The following LHFPL3 variants were observed in gnomAD, a reference collection of about 807,000 sequenced individuals.
LHFPL3 encodes the protein LHFPL tetraspan subfamily member 3 protein.
In LHFPL3, 5 loss-of-function variants were observed where a neutral mutation model predicts 19.3. The ratio of observed to expected loss-of-function variants is 0.26; its 90% CI spans 0.14 to 0.54. LHFPL3 has a LOEUF of 0.54. Ranked by LOEUF, LHFPL3 falls within the 20% of genes least tolerant of loss-of-function variation. The pLI is 0.94. For missense variants in LHFPL3, 249 were observed against 307.4 expected, an observed-to-expected ratio of 0.81 and a Z score of 1.42; for synonymous variants, 133 against 126.2, an observed-to-expected ratio of 1.05 and a Z score of -0.36.
intron 1 of LHFPL3, among the ~76,000 whole-genome samples, chr7:104,731,347 A>G (rs1259977679): frequency 6.6e-6 from 1 of 152,006 alleles, no homozygotes; most frequent in African/African-American, 2.4e-5. Context: ...GATTCTTCCT[A>G]TCCATGAGGA....
At chr7:104,595,365 A>G (rs1413146075) in intron 1 of LHFPL3, among the ~76,000 whole-genome samples, 2 of 152,230 alleles carry the variant, frequency 1.3e-5, no homozygotes, top group Non-Finnish European at 2.9e-5. Flanking sequence ...GGGTATTACT[A>G]GCGGAAGCTG....
intron 1 of LHFPL3, 147 bp from the exon 2 acceptor site, chr7:104,736,528 T>C: frequency 1.7e-6 from 1 of 597,074 alleles, no homozygotes; most frequent in Non-Finnish European, 3.0e-6. Flanking sequence ...CACACACACA[T>C]TCAGAGTGAC....
At chr7:104,645,553 G>C (rs1405956215) in intron 1 of LHFPL3, among the ~76,000 whole-genome samples, 3 of 151,232 alleles carry the variant, frequency 2.0e-5, no homozygotes, top group Non-Finnish European at 4.4e-5. Flanking sequence ...GTTCTGTGAA[G>C]GAAATCATGT....
chr7:104,902,216 T>TA (rs966704111), intron 2 of LHFPL3, among the ~76,000 whole-genome samples: 21 of 151,664 alleles, frequency 1.4e-4, no homozygotes, highest in African/African-American at 2.9e-4. Flanking sequence ...CCCATCTCTA[T>TA]AAAAAAAAAT....
intron 2 of LHFPL3, among the ~76,000 whole-genome samples, chr7:104,843,700 A>G (rs1051977980): frequency 6.6e-6 from 1 of 152,122 alleles, no homozygotes; most frequent in East Asian, 1.9e-4. Flanking sequence ...TCTGAAAACT[A>G]TCTCGGGCCA....
intron 1 of LHFPL3, among the ~76,000 whole-genome samples, chr7:104,654,698 G>A (rs1397814005): frequency 2.6e-5 from 4 of 152,138 alleles, no homozygotes; most frequent in East Asian, 1.9e-4. Flanking sequence ...ATGGTGTCTC[G>A]TTTTAGAACT....
intron 2 of LHFPL3, 67 bp from the exon 3 acceptor site, chr7:104,906,120 G>A: frequency 2.0e-6 from 3 of 1,470,988 alleles, no homozygotes; most frequent in South Asian, 1.2e-5. Flanking sequence ...AAATCTTGCA[G>A]ACAGAAAATG....
At chr7:104,717,973 G>T (rs1208713434) in intron 1 of LHFPL3, among the ~76,000 whole-genome samples, 1 of 152,116 alleles carries the variant, frequency 6.6e-6, no homozygotes, top group Non-Finnish European at 1.5e-5. Context: ...ATATGATTCT[G>T]CCTTTAAAAA....
chr7:104,734,151 A>G (rs1036247722), intron 1 of LHFPL3, among the ~76,000 whole-genome samples: 5 of 152,106 alleles, frequency 3.3e-5, no homozygotes, highest in African/African-American at 1.2e-4. Context: ...GGCTGCCCTT[A>G]ACATTTTTTT....
Position 104,667,981 on chromosome 7 carries a change from G to A in LHFPL3, c.446-68694G>A, listed in dbSNP as rs1792390424. The A allele has an allele frequency of 4.3e-6, 7 of 1,613,416 alleles. No homozygotes were observed. The South Asian group carries it at 4.4e-5, about 10-fold the overall frequency. On this transcript the variant is annotated intron_variant, in intron 1 of 2. Coordinates refer to ENST00000424859, the MANE Select transcript of LHFPL3 (RefSeq NM_199000.3). Reference sequence around the variant, plus strand: ...CGTTCCATCCTTCCCACTGCTCCACGGGCTGCTCGGGAACCCAATATCGAC... The same window carrying A: ...CGTTCCATCCTTCCCACTGCTCCACAGGCTGCTCGGGAACCCAATATCGAC...
At chr7:104,824,407 A>AT (rs1491449013) in intron 2 of LHFPL3, among the ~76,000 whole-genome samples, 33 of 210 alleles carry the variant, frequency 0.16, no homozygotes, top group East Asian at 0.36. Context: ...ATAATATATA[A>AT]TATATATTTT....
At chr7:104,829,504 C>G (rs998062620) in intron 2 of LHFPL3, among the ~76,000 whole-genome samples, 4 of 151,686 alleles carry the variant, frequency 2.6e-5, no homozygotes, top group African/African-American at 7.3e-5. Flanking sequence ...CAACAGTCCC[C>G]GGAGTGTGAT....
chr7:104,620,520 A>G (rs1000562500), intron 1 of LHFPL3, among the ~76,000 whole-genome samples: 2 of 152,218 alleles, frequency 1.3e-5, no homozygotes, highest in African/African-American at 4.8e-5. Flanking sequence ...ATGCTTTCAT[A>G]TATCAACATC....
Position 104,534,174 on chromosome 7 carries a change from AAC to A in LHFPL3, c.446-202497_446-202496del, listed in dbSNP as rs1584386015. ...CTGGCAGCCAGATTATTTGTTCTAT[AAC>A]ACAGTGTGGGTCTTTCCTTTGCTTA... On this transcript the variant is annotated intron_variant, in intron 1 of 2. Coordinates refer to ENST00000424859, the MANE Select transcript of LHFPL3 (RefSeq NM_199000.3). 3.3e-5 allele frequency among the ~76,000 whole-genome samples: 5 copies of A among 152,316 alleles called. 1 individual carries two copies. The highest frequency in any genetic ancestry group is 1.2e-4 in the African/African-American group (5 of 41,576).
intron 2 of LHFPL3, among the ~76,000 whole-genome samples, chr7:104,893,951 C>CA (rs34793599): frequency 0.01 from 1,393 of 135,386 alleles, 28 homozygotes; most frequent in East Asian, 0.035. Context: ...GACTCCATCT[C>CA]AAAAAAAAAA....
At chr7:104,605,056 C>A (rs1473041891) in intron 1 of LHFPL3, among the ~76,000 whole-genome samples, 3 of 152,214 alleles carry the variant, frequency 2.0e-5, no homozygotes, top group African/African-American at 7.2e-5. Flanking sequence ...AAACCTAATT[C>A]TGTTATTTTC....
At chr7:104,846,003 G>C (rs977385267) in intron 2 of LHFPL3, among the ~76,000 whole-genome samples, 4 of 152,192 alleles carry the variant, frequency 2.6e-5, no homozygotes, top group African/African-American at 9.7e-5. Flanking sequence ...GTACACATAT[G>C]TATGCGATGG....
Position 104,592,048 on chromosome 7 carries a change from C to T in LHFPL3, c.446-144627C>T, listed in dbSNP as rs370970942. Among the ~76,000 whole-genome samples, 112 of 152,252 alleles carry T rather than the reference C, an allele frequency of 7.4e-4. 2 individuals carry two copies. The South Asian group carries it at 0.013, about 18-fold the overall frequency. On this transcript the variant is annotated intron_variant, in intron 1 of 2. Transcript: ENST00000424859. ...TTTTTCAACGTTTTTAGCTTCTTTGCGATGGGTTCGAACATCCTCCTTTAG... is the reference window on the plus strand; with the variant it reads ...TTTTTCAACGTTTTTAGCTTCTTTGTGATGGGTTCGAACATCCTCCTTTAG...
intron 1 of LHFPL3, among the ~76,000 whole-genome samples, chr7:104,392,581 G>A (rs1286607191): frequency 6.6e-6 from 1 of 152,110 alleles, no homozygotes; most frequent in African/African-American, 2.4e-5. Flanking sequence ...TGCTGGATTT[G>A]GTTTGCCAGT....
Sources: gnomAD v4.1 joint callset for allele counts (sites outside exome capture counted in the v4.1 genomes callset) on GRCh38, gnomAD v4.1.1 for gene constraint, MANE v1.5 for transcripts, NCBI Gene and HGNC (gene_info 2026-07-23, HGNC 2026-07-21) for gene names.